Variants in ULK4 observed in about 807,000 individuals in gnomAD.
The protein encoded by ULK4 is unc-51 like kinase 4.
Under a neutral mutation model 160.6 loss-of-function variants are expected in ULK4, and 133 were observed. The ratio of observed to expected loss-of-function variants is 0.83; its 90% CI spans 0.72 to 0.96. ULK4 has a LOEUF of 0.96. Ranked by LOEUF, ULK4 falls within the 40% of genes least tolerant of loss-of-function variation. The pLI is 0.00. For synonymous variants in ULK4, 534 were observed against 539.8 expected, an observed-to-expected ratio of 0.99 and a Z score of 0.15; for missense variants, 1,580 against 1,499.5, an observed-to-expected ratio of 1.05 and a Z score of -0.89.
In ULK4 at chr3:41,457,716, A is replaced by T. The variant is rs1384908498; in HGVS notation, c.3394-2121T>A. ...CCTGGATTTGCCACCCTTTGTGTGCATCTTGTACAGGGCCCGTGTCCCTGT... is the reference window on the plus strand; with the variant it reads ...CCTGGATTTGCCACCCTTTGTGTGCTTCTTGTACAGGGCCCGTGTCCCTGT... On this transcript the variant is annotated intron_variant, in intron 33 of 36. Transcript: ENST00000301831. Among the ~76,000 whole-genome samples, 3 of 152,186 alleles carry T rather than the reference A, an allele frequency of 2.0e-5. No individual in the cohort carries two copies. In the East Asian group the frequency reaches 5.8e-4, roughly 29 times the overall value.
chr3:41,504,706 C>T (rs1386246027), intron 32 of ULK4, among the ~76,000 whole-genome samples: 1 of 152,140 alleles, frequency 6.6e-6, no homozygotes, highest in Non-Finnish European at 1.5e-5. Context: ...GAATTTTGTA[C>T]TATATCTGAA....
chr3:41,533,298 G>C (rs1017775307), intron 32 of ULK4, among the ~76,000 whole-genome samples: 17 of 152,156 alleles, frequency 1.1e-4, no homozygotes, highest in African/African-American at 3.9e-4. Context: ...GAAGTTATTT[G>C]ACATAGTAAA....
At chr3:41,485,065 T>C (rs955048746) in intron 32 of ULK4, among the ~76,000 whole-genome samples, 6 of 152,162 alleles carry the variant, frequency 3.9e-5, no homozygotes, top group African/African-American at 1.4e-4. Flanking sequence ...TGCCAGGTAT[T>C]ATTCTAAGTG....
At chr3:41,546,199 T>C (rs990867912) in intron 32 of ULK4, among the ~76,000 whole-genome samples, 2 of 152,158 alleles carry the variant, frequency 1.3e-5, no homozygotes, top group African/African-American at 4.8e-5. Flanking sequence ...GTGGGGAATC[T>C]GGATTATGCC....
chr3:41,332,400 G>A (rs2080463351), intron 35 of ULK4, among the ~76,000 whole-genome samples: 1 of 152,148 alleles, frequency 6.6e-6, no homozygotes, highest in African/African-American at 2.4e-5. Context: ...ATTTCATCAT[G>A]GTTATGACAC....
chr3:41,918,568 G>A (rs1559649578), intron 6 of ULK4, 28 bp from the exon 7 acceptor site: 4 of 1,098,228 alleles, frequency 3.6e-6, no homozygotes, highest in South Asian at 1.6e-5. Flanking sequence ...CTTGCAAAAT[G>A]AAAGAAGTCT....
At chr3:41,551,477 G>A (rs1483854911) in intron 32 of ULK4, among the ~76,000 whole-genome samples, 2 of 151,770 alleles carry the variant, frequency 1.3e-5, no homozygotes, top group East Asian at 1.9e-4. Flanking sequence ...GATCATCAGA[G>A]ACGATTATGA....
chr3:41,743,353 A>G (rs1010008967), intron 22 of ULK4, among the ~76,000 whole-genome samples: 6 of 151,862 alleles, frequency 4.0e-5, no homozygotes, highest in African/African-American at 7.3e-5. Context: ...ACTGTCAACT[A>G]CAAGTTCTAA....
chr3:41,353,685 A>AATG (rs2080960020), intron 35 of ULK4, among the ~76,000 whole-genome samples: 1 of 134,514 alleles, frequency 7.4e-6, no homozygotes, highest in African/African-American at 2.9e-5. Flanking sequence ...TAATAATAAT[A>AATG]ATAATAATTA....
At chr3:41,443,583 A>G (rs551732517) in intron 34 of ULK4, among the ~76,000 whole-genome samples, 41 of 152,266 alleles carry the variant, frequency 2.7e-4, no homozygotes, top group African/African-American at 9.6e-4. Context: ...ACTTCCAGTT[A>G]ACATACCATG....
chr3:41,528,835 G>A (rs1187551216), intron 32 of ULK4, among the ~76,000 whole-genome samples: 2 of 152,088 alleles, frequency 1.3e-5, no homozygotes, highest in Non-Finnish European at 2.9e-5. Flanking sequence ...GCAGTGTGTT[G>A]TTGTCCAAGA....
chr3:41,802,193 AAATT>A (rs1378068001), intron 19 of ULK4, among the ~76,000 whole-genome samples: 9 of 152,326 alleles, frequency 5.9e-5, no homozygotes, highest in African/African-American at 2.2e-4. Context: ...AATGAGAAGA[AAATT>A]AAATCTATAC....
intron 12 of ULK4, among the ~76,000 whole-genome samples, chr3:41,905,621 AAAT>A (rs1269353909): frequency 6.6e-6 from 1 of 152,186 alleles, no homozygotes; most frequent in Non-Finnish European, 1.5e-5. Context: ...TCTTACAACT[AAAT>A]AATAAAGAGA....
At chr3:41,821,941 A>G (rs982160374) in intron 18 of ULK4, among the ~76,000 whole-genome samples, 9 of 152,156 alleles carry the variant, frequency 5.9e-5, no homozygotes, top group Non-Finnish European at 8.8e-5. Context: ...AACTACATTC[A>G]GCCCTACTGA....
At chr3:41,947,788 C>T (rs1700156463) in intron 2 of ULK4, among the ~76,000 whole-genome samples, 1 of 152,132 alleles carries the variant, frequency 6.6e-6, no homozygotes, top group Non-Finnish European at 1.5e-5. Flanking sequence ...TTATACATGC[C>T]TTGATTCCTC....
intron 32 of ULK4, among the ~76,000 whole-genome samples, chr3:41,480,570 A>G (rs1575283760): frequency 1.3e-5 from 2 of 152,268 alleles, no homozygotes; most frequent in East Asian, 3.9e-4. Context: ...CTTAACAAAT[A>G]TATCTTCTCT....
chr3:41,394,954 T>C (rs1051445621), intron 35 of ULK4, among the ~76,000 whole-genome samples: 1 of 152,128 alleles, frequency 6.6e-6, no homozygotes, highest in African/African-American at 2.4e-5. Flanking sequence ...CCTTCACAGG[T>C]ACCCTCCAGA....
At chr3:41,351,824 C>T (rs2080914946) in intron 35 of ULK4, among the ~76,000 whole-genome samples, 1 of 152,168 alleles carries the variant, frequency 6.6e-6, no homozygotes, top group Non-Finnish European at 1.5e-5. Flanking sequence ...TATGGTCATC[C>T]CATCCACAGG....
At chr3:41,433,308 G>A (rs972587146) in intron 34 of ULK4, among the ~76,000 whole-genome samples, 1 of 152,156 alleles carries the variant, frequency 6.6e-6, no homozygotes, top group Non-Finnish European at 1.5e-5. Context: ...TCATGTGTCA[G>A]AATGGCAAAA....
Sources: gnomAD v4.1 joint callset for allele counts (sites outside exome capture counted in the v4.1 genomes callset) on GRCh38, gnomAD v4.1.1 for gene constraint, MANE v1.5 for transcripts, NCBI Gene and HGNC (gene_info 2026-07-23, HGNC 2026-07-21) for gene names.